Variants in RPS6KA2 observed in about 807,000 individuals in gnomAD.
RPS6KA2 encodes the protein ribosomal protein S6 kinase alpha-2.
RPS6KA2 carries 42 observed loss-of-function variants against 91.8 expected under a neutral mutation model. The ratio of observed to expected loss-of-function variants is 0.46; its 90% CI spans 0.36 to 0.59. RPS6KA2 has a LOEUF of 0.59. Ranked by LOEUF, RPS6KA2 falls within the 20% of genes least tolerant of loss-of-function variation. The probability of loss-of-function intolerance (pLI) is 0.00; values close to 1 mark genes in which losing one functional copy is unlikely to be tolerated. For missense variants in RPS6KA2, 798 were observed against 978.5 expected, an observed-to-expected ratio of 0.82 and a Z score of 2.46; for synonymous variants, 414 against 393.6, an observed-to-expected ratio of 1.05 and a Z score of -0.61.
rs1779224646 is a variant in RPS6KA2, at chr6:166,434,271, AGCCT to A, written c.1333-1785_1333-1782del. On this transcript the variant is annotated intron_variant, in intron 14 of 20. Coordinates refer to ENST00000265678, the MANE Select transcript of RPS6KA2 (RefSeq NM_021135.6). The surrounding 1 kb of genome is among the most constrained non-coding windows in gnomAD (Gnocchi z 4.4). ...TGGCCCATGATCTGTGAGTCCTAATAGCCTGCGTTGTAAACAGGCAGAAGAGTTA... is the reference window on the plus strand; with the variant it reads ...TGGCCCATGATCTGTGAGTCCTAATAGCGTTGTAAACAGGCAGAAGAGTTA... Among the ~76,000 whole-genome samples, 1 of 152,266 alleles carries A rather than the reference AGCCT, an allele frequency of 6.6e-6. No individual in the cohort carries two copies. Among genetic ancestry groups the A allele is most frequent in the Non-Finnish European group, 1.5e-5 (1 of 68,050 alleles).
At chr6:166,424,774 C>G (rs769977815) in intron 16 of RPS6KA2, among the ~76,000 whole-genome samples, 3 of 152,244 alleles carry the variant, frequency 2.0e-5, no homozygotes, top group Admixed American at 6.5e-5. Context: ...CTCAGCGTCC[C>G]TGCGCTCCGG....
chr6:166,524,219 A>G (rs1175141500), intron 3 of RPS6KA2, among the ~76,000 whole-genome samples: 1 of 152,184 alleles, frequency 6.6e-6, no homozygotes. Flanking sequence ...ATTTCCTTCC[A>G]GGAAGGGAAT....
intron 10 of RPS6KA2, among the ~76,000 whole-genome samples, chr6:166,476,402 G>A (rs971369039): frequency 3.3e-5 from 5 of 152,208 alleles, no homozygotes; most frequent in Admixed American, 2.6e-4. Context: ...GGCGGCCAAC[G>A]AACAGCTCAG....
intron 14 of RPS6KA2, among the ~76,000 whole-genome samples, chr6:166,446,512 C>T (rs905219577): frequency 1.3e-5 from 2 of 152,158 alleles, no homozygotes; most frequent in African/African-American, 2.4e-5. Flanking sequence ...TCGGCCAGAG[C>T]CACAGTGCCT....
At chr6:166,446,470 GA>G (rs1340985374) in intron 14 of RPS6KA2, among the ~76,000 whole-genome samples, 1 of 152,232 alleles carries the variant, frequency 6.6e-6, no homozygotes, top group African/African-American at 2.4e-5. Flanking sequence ...TTGTGAAAGA[GA>G]AACAGGAAGA....
chr6:166,461,324 A>G (rs1780280135), intron 11 of RPS6KA2, among the ~76,000 whole-genome samples: 1 of 151,878 alleles, frequency 6.6e-6, no homozygotes, highest in African/African-American at 2.4e-5. Context: ...CCCCAGACAC[A>G]TGTGCTTGCC....
intron 2 of RPS6KA2, among the ~76,000 whole-genome samples, chr6:166,719,202 T>C (rs905686330): frequency 1.3e-5 from 2 of 152,240 alleles, no homozygotes; most frequent in South Asian, 4.1e-4. Context: ...GCTCCTCTTA[T>C]GTGCTTGGAA....
At chr6:166,691,215 G>A (rs1028113855) in intron 2 of RPS6KA2, among the ~76,000 whole-genome samples, 3 of 152,106 alleles carry the variant, frequency 2.0e-5, no homozygotes, top group African/African-American at 7.2e-5. Context: ...CCTCCACTAA[G>A]AGTGCTGCCA....
At chr6:166,779,916 G>A (rs73266810) in intron 2 of RPS6KA2, among the ~76,000 whole-genome samples, 1,569 of 152,288 alleles carry the variant, frequency 0.01, 37 homozygotes, top group African/African-American at 0.036. Context: ...GGCAAACACT[G>A]GGGTGGCAGA....
chr6:166,547,933 C>A lies in RPS6KA2; in HGVS notation c.100-9149G>T, dbSNP rs1783881681. Among the ~76,000 whole-genome samples, 4 of 152,220 alleles carry A rather than the reference C, an allele frequency of 2.6e-5. No individual in the cohort carries two copies. The South Asian group carries it at 8.3e-4, about 31-fold the overall frequency. ...TGCACACCTTCTGACCCAGGGACCT[C>A]ACTCCTCAGAATTCATCAAAAACAT... On this transcript the variant is annotated intron_variant, in intron 1 of 20. Transcript: ENST00000265678.
intron 2 of RPS6KA2, among the ~76,000 whole-genome samples, chr6:166,822,961 G>T (rs1197445651): frequency 6.6e-6 from 1 of 152,224 alleles, no homozygotes; most frequent in Non-Finnish European, 1.5e-5. Flanking sequence ...GTTCATCAAT[G>T]AAGAAGTGCT....
intron 2 of RPS6KA2, among the ~76,000 whole-genome samples, chr6:166,660,217 C>G (rs1369971978): frequency 6.6e-6 from 1 of 152,144 alleles, no homozygotes; most frequent in African/African-American, 2.4e-5. Context: ...ACTAAAGAAT[C>G]CATAATTGTA....
chr6:166,650,128 A>G (rs1787802843), intron 2 of RPS6KA2, among the ~76,000 whole-genome samples: 1 of 145,230 alleles, frequency 6.9e-6, no homozygotes, highest in South Asian at 2.2e-4. Context: ...CACCAGGCTC[A>G]TTTGTTTTGT....
chr6:166,487,182 A>C (rs1270386876), intron 10 of RPS6KA2, among the ~76,000 whole-genome samples: 1 of 152,194 alleles, frequency 6.6e-6, no homozygotes, highest in Non-Finnish European at 1.5e-5. Flanking sequence ...TACATTTAAC[A>C]TTCTGATGGT....
chr6:166,850,201 AG>A (rs1402263625), intron 2 of RPS6KA2, among the ~76,000 whole-genome samples: 1 of 99,716 alleles, frequency 1.0e-5, no homozygotes, highest in East Asian at 2.2e-4. Context: ...CAAGGGTACA[AG>A]GATTTTTTTT....
In RPS6KA2 at chr6:166,459,972, C is replaced by T. The variant is rs908945335; in HGVS notation, c.973-421G>A. Among the ~76,000 whole-genome samples the T allele has an allele frequency of 6.6e-6, 1 of 152,200 alleles. No individual in the cohort carries two copies. ...AAGAGGCCGTGTGGCTCTCTCCTCC[C>T]TGCCCTGGGACTTTGGGGCCAGCAC... On this transcript the variant is annotated intron_variant, in intron 11 of 20. Transcript: ENST00000265678. The surrounding 1 kb of genome is among the most constrained non-coding windows in gnomAD (Gnocchi z 4.9).
intron 2 of RPS6KA2, among the ~76,000 whole-genome samples, chr6:166,855,841 T>TA (rs1429454182): frequency 6.6e-6 from 1 of 152,242 alleles, no homozygotes; most frequent in African/African-American, 2.4e-5. Flanking sequence ...AAAATACTCC[T>TA]AAAATCTGTT....
chr6:166,550,721 GGTT>G (rs1783973998), intron 1 of RPS6KA2, among the ~76,000 whole-genome samples: 7 of 152,196 alleles, frequency 4.6e-5, no homozygotes, highest in Non-Finnish European at 8.8e-5. Flanking sequence ...GTGAAATTAG[GGTT>G]GGGCGCGATG....
intron 2 of RPS6KA2, among the ~76,000 whole-genome samples, chr6:166,763,087 C>T (rs767474438): frequency 1.8e-4 from 28 of 152,276 alleles, no homozygotes; most frequent in Admixed American, 5.2e-4. Context: ...ATATTTGGGA[C>T]CCAGTAACTG....
Sources: allele counts gnomAD v4.1 joint callset (sites outside exome capture counted in the v4.1 genomes callset), GRCh38; gene constraint gnomAD v4.1.1; non-coding constraint Gnocchi (gnomAD v3.1); transcripts MANE v1.5; gene names NCBI Gene and HGNC (gene_info 2026-07-23, HGNC 2026-07-21).